Variants in SNTG2 observed in about 807,000 individuals in gnomAD.
The protein encoded by SNTG2 is syntrophin gamma 2, also known as gamma-2-syntrophin.
Under a neutral mutation model 70.9 loss-of-function variants are expected in SNTG2, and 74 were observed. The observed-to-expected ratio is 1.04, with a 90% CI of 0.86 to 1.27. The LOEUF (loss-of-function observed/expected upper bound fraction) is 1.27. Among genes scored for constraint, SNTG2 ranks in the 50% most tolerant of loss-of-function variants. The pLI is 0.00. For synonymous variants in SNTG2, 278 were observed against 273.8 expected, an observed-to-expected ratio of 1.02 and a Z score of -0.15; for missense variants, 717 against 690.7, an observed-to-expected ratio of 1.04 and a Z score of -0.43.
chr2:983,177 CTT>C (rs1188147117), intron 1 of SNTG2, among the ~76,000 whole-genome samples: 1 of 120,464 alleles, frequency 8.3e-6, no homozygotes, highest in African/African-American at 3.2e-5. Context: ...GAAGCAGAGG[CTT>C]TTTAGCAGAA....
At chr2:1,035,381 T>A (rs928073703) in intron 1 of SNTG2, among the ~76,000 whole-genome samples, 1 of 152,206 alleles carries the variant, frequency 6.6e-6, no homozygotes, top group African/African-American at 2.4e-5. Flanking sequence ...TATGGTGCTG[T>A]AGAATGAGTA....
intron 16 of SNTG2, among the ~76,000 whole-genome samples, chr2:1,339,960 C>T (rs1660001833): frequency 6.6e-6 from 1 of 152,196 alleles, no homozygotes; most frequent in African/African-American, 2.4e-5. Flanking sequence ...GCTCACTGGC[C>T]GCATCGAACT....
At chr2:1,139,325 G>T (rs1668601199) in intron 6 of SNTG2, among the ~76,000 whole-genome samples, 1 of 152,284 alleles carries the variant, frequency 6.6e-6, no homozygotes, top group South Asian at 2.1e-4. Context: ...CCGCCTCCCG[G>T]GTTCAAGCAA....
intron 1 of SNTG2, among the ~76,000 whole-genome samples, chr2:953,999 A>T (rs1442883862): frequency 6.6e-6 from 1 of 152,106 alleles, no homozygotes. Flanking sequence ...GTGTGTTTGC[A>T]TCGCAGGCCT....
intron 13 of SNTG2, among the ~76,000 whole-genome samples, chr2:1,262,031 T>C (rs1013837101): frequency 3.3e-5 from 5 of 152,234 alleles, no homozygotes; most frequent in Admixed American, 6.5e-5. Context: ...CCTGTTTGGA[T>C]AATATCAACA....
At position 1,084,969 on chromosome 2, in the gene SNTG2, C is replaced by G. The variant is rs139629722; in HGVS notation, c.210+1314C>G. ...CACCACTGCCCTGGGTAGTAAGTTT[C>G]CACGTGAGCTTTGGGGGAGACACAG... On this transcript the variant is annotated intron_variant, in intron 2 of 16. Transcript: ENST00000308624. Among the ~76,000 whole-genome samples the G allele has an allele frequency of 1.6e-3, 242 of 152,304 alleles. 3 individuals are homozygous for G. Among genetic ancestry groups the G allele is most frequent in the Middle Eastern group, 6.8e-3 (2 of 294 alleles).
rs1380908272 is a variant in SNTG2, at chr2:1,017,152, C to T, written c.72+66084C>T. ...CCCTTTGCCTGGCATGGCTTTAGGT[C>T]CTGTTTGTAATTTGGTGTCTTATTG... On this transcript the variant is annotated intron_variant, in intron 1 of 16. Coordinates refer to ENST00000308624, the MANE Select transcript of SNTG2 (RefSeq NM_018968.4). Among the ~76,000 whole-genome samples the T allele has an allele frequency of 2.0e-5, 3 of 152,032 alleles. No homozygotes were observed. The East Asian group carries it at 5.8e-4, about 29-fold the overall frequency.
intron 9 of SNTG2, among the ~76,000 whole-genome samples, chr2:1,235,223 G>A (rs28575183): frequency 9.6e-5 from 12 of 125,164 alleles, no homozygotes; most frequent in African/African-American, 3.5e-4. Context: ...AGGCACCCCC[G>A]ATTCATGAGA....
At chr2:1,074,880 T>C (rs113197314) in intron 1 of SNTG2, among the ~76,000 whole-genome samples, 107 of 152,354 alleles carry the variant, frequency 7.0e-4, no homozygotes, top group African/African-American at 2.3e-3. Flanking sequence ...TTTTTAGGAA[T>C]GTATCCATTT....
intron 6 of SNTG2, among the ~76,000 whole-genome samples, chr2:1,145,420 A>G (rs1669033974): frequency 1.3e-5 from 2 of 152,206 alleles, no homozygotes; most frequent in Non-Finnish European, 2.9e-5. Context: ...TCCTATGGAC[A>G]TGACATACAC....
At chr2:1,219,252 C>T (rs1674595555) in intron 9 of SNTG2, among the ~76,000 whole-genome samples, 1 of 152,178 alleles carries the variant, frequency 6.6e-6, no homozygotes, top group Non-Finnish European at 1.5e-5. Context: ...TTTCCTGAGG[C>T]CTCCCCAGAG....
intron 2 of SNTG2, among the ~76,000 whole-genome samples, chr2:1,094,008 C>T (rs1665210214): frequency 1.1e-5 from 1 of 87,302 alleles, no homozygotes; most frequent in Non-Finnish European, 2.2e-5. Flanking sequence ...ATAGGTGTGT[C>T]CTCATATGGT....
At chr2:1,339,574 G>A (rs1014649427) in intron 16 of SNTG2, among the ~76,000 whole-genome samples, 1 of 152,132 alleles carries the variant, frequency 6.6e-6, no homozygotes, top group African/African-American at 2.4e-5. Flanking sequence ...CCAGGAGGAG[G>A]GCTTCCTGCC....
intron 16 of SNTG2, chr2:1,341,488 GC>G (rs1660084490): frequency 6.6e-6 from 1 of 152,276 alleles, no homozygotes; most frequent in Non-Finnish European, 1.5e-5. Context: ...TGTCTTGGCT[GC>G]AGACGAAGTC....
rs145900328 is a variant in SNTG2 at position 962,462 on chromosome 2, A to G, written c.72+11394A>G. 4.5e-3 allele frequency among the ~76,000 whole-genome samples: 686 copies of G among 152,244 alleles called. 11 individuals carry two copies. Among genetic ancestry groups the G allele is most frequent in the South Asian group, 0.035 (169 of 4,820 alleles). On this transcript the variant is annotated intron_variant, in intron 1 of 16. Coordinates refer to ENST00000308624, the MANE Select transcript of SNTG2 (RefSeq NM_018968.4). ...TGCCTTGCACCTTTTCTTTAACCACATCACTCTCAGCTTCTTCATTTGTGT... is the reference window on the plus strand; with the variant it reads ...TGCCTTGCACCTTTTCTTTAACCACGTCACTCTCAGCTTCTTCATTTGTGT...
chr2:993,378 A>C (rs1413698928), intron 1 of SNTG2, among the ~76,000 whole-genome samples: 1 of 151,938 alleles, frequency 6.6e-6, no homozygotes, highest in Non-Finnish European at 1.5e-5. Context: ...GATACATTCC[A>C]TTGTAGCACA....
At chr2:991,532 T>C (rs964568467) in intron 1 of SNTG2, among the ~76,000 whole-genome samples, 3 of 152,218 alleles carry the variant, frequency 2.0e-5, no homozygotes, top group Non-Finnish European at 4.4e-5. Context: ...CTGTTTTCCA[T>C]AATCCTGTTA....
At chr2:1,062,215 C>T (rs987222737) in intron 1 of SNTG2, among the ~76,000 whole-genome samples, 1 of 152,254 alleles carries the variant, frequency 6.6e-6, no homozygotes, top group East Asian at 1.9e-4. Context: ...CTGATGGCCA[C>T]GTTTGTCATT....
chr2:1,222,130 T>TCTCTGTCTCTCTCTCTGG (rs1675238195), intron 9 of SNTG2, among the ~76,000 whole-genome samples: 18 of 107,936 alleles, frequency 1.7e-4, no homozygotes, highest in Non-Finnish European at 2.2e-4. Flanking sequence ...TCTCTGTCTC[T>TCTCTGTCTCTCTCTCTGG]CTCTGTCTCT....
Sources: allele counts gnomAD v4.1 joint callset (sites outside exome capture counted in the v4.1 genomes callset), GRCh38; gene constraint gnomAD v4.1.1; transcripts MANE v1.5; gene names NCBI Gene and HGNC (gene_info 2026-07-23, HGNC 2026-07-21).